Variants in NAP1L4 observed in about 807,000 individuals in gnomAD.
NAP1L4 encodes nucleosome assembly protein 1-like 4.
In NAP1L4, 15 loss-of-function variants were observed where a neutral mutation model predicts 58.2. That is an observed-to-expected ratio of 0.26 (90% CI 0.17 to 0.40). NAP1L4 has a LOEUF of 0.40. NAP1L4 is among the 10% of genes least tolerant of loss of function. The pLI, the probability that NAP1L4 is intolerant of heterozygous loss-of-function variation, is 1.00. For synonymous variants in NAP1L4, 171 were observed against 155.6 expected, an observed-to-expected ratio of 1.10 and a Z score of -0.74; for missense variants, 384 against 451.1, an observed-to-expected ratio of 0.85 and a Z score of 1.35.
Position 2,944,732 on chromosome 11 carries a change from G to A in NAP1L4, c.*947C>T, listed in dbSNP as rs571359131. 3 of 152,362 alleles carry A rather than the reference G, an allele frequency of 2.0e-5. No homozygotes were observed. Among genetic ancestry groups the A allele is most frequent in the Non-Finnish European group, 4.4e-5 (3 of 68,040 alleles). The allele number at this position is 152,362 out of a possible 1,614,324, so 9.4% of individuals were successfully genotyped here. A position where few individuals can be genotyped will look rare whatever the true frequency, so the allele number is the denominator to read the frequency against. ...CGCTCATACGCTCCACTGAAACGCA[G>A]GACTTCCCAGCCCAGTCCCTCAGTG... On this transcript the variant is annotated 3_prime_UTR_variant, in exon 16 of 16. Coordinates refer to ENST00000380542, the MANE Select transcript of NAP1L4 (RefSeq NM_005969.4).
Position 2,951,113 on chromosome 11 carries a change from T to C in NAP1L4, c.1122+146A>G. ...TATAGACACAGTGTCTGAATAATCA[T>C]TCCACTATTTTTCTGACACATTTTA... On this transcript the variant is annotated intron_variant, in intron 14 of 15. Coordinates refer to ENST00000380542, the MANE Select transcript of NAP1L4 (RefSeq NM_005969.4). The surrounding 1 kb of genome is among the most constrained non-coding windows in gnomAD (Gnocchi z 4.0). 1.4e-6 allele frequency: 1 copy of C among 696,804 alleles called. No homozygotes were observed. Among genetic ancestry groups the C allele is most frequent in the African/African-American group, 1.8e-5 (1 of 56,324 alleles). 43.2% of individuals were successfully genotyped at this position (696,804 alleles called of 1,614,324 possible).
At chr11:2,970,282 T>C (rs574678510) in intron 6 of NAP1L4, among the ~76,000 whole-genome samples, 12 of 152,272 alleles carry the variant, frequency 7.9e-5, no homozygotes, top group Non-Finnish European at 1.3e-4. Flanking sequence ...ATGCAAAGAC[T>C]GTACATCAAC....
In NAP1L4 at chr11:2,955,833, C is replaced by T; in HGVS notation, c.893-67G>A. 2 of 1,416,138 alleles carry T rather than the reference C, an allele frequency of 1.4e-6. No homozygotes were observed. Among genetic ancestry groups the T allele is most frequent in the East Asian group, 2.3e-5 (1 of 43,760 alleles). The allele number at this position is 1,416,138 out of a possible 1,614,324, so 87.7% of individuals were successfully genotyped here. ...AACTCCCAGAATTTTAAAGCCCACACAGGAGGAAGCTGTGCTGGTAGATAA... is the reference window on the plus strand; with the variant it reads ...AACTCCCAGAATTTTAAAGCCCACATAGGAGGAAGCTGTGCTGGTAGATAA... On this transcript the variant is annotated intron_variant, in intron 10 of 15. Coordinates refer to ENST00000380542, the MANE Select transcript of NAP1L4 (RefSeq NM_005969.4). The surrounding 1 kb of genome is among the most constrained non-coding windows in gnomAD (Gnocchi z 4.2).
At chr11:2,990,825 A>G (rs1264917030) in intron 1 of NAP1L4, 1 of 237,956 alleles carries the variant, frequency 4.2e-6, no homozygotes, top group African/African-American at 2.3e-5. Context: ...ACAGGCTGAA[A>G]GAGTCCCTGG....
At chr11:2,953,326 C>A (rs1028169973) in intron 12 of NAP1L4, among the ~76,000 whole-genome samples, 2 of 152,226 alleles carry the variant, frequency 1.3e-5, no homozygotes, top group African/African-American at 4.8e-5. Flanking sequence ...ATGATCAAAA[C>A]AGTTTCAGAT....
Position 2,948,154 on chromosome 11 carries a change from A to T in NAP1L4, c.*32+1073T>A, listed in dbSNP as rs568282082. Among the ~76,000 whole-genome samples the T allele has an allele frequency of 3.9e-5, 6 of 152,328 alleles. No homozygotes were observed. Among genetic ancestry groups the T allele is most frequent in the African/African-American group, 1.4e-4 (6 of 41,568 alleles). ...CAGGAATTAATGGCAGCTAGACATA[A>T]TTTTAAACATACAGCCATATTCTGA... On this transcript the variant is annotated intron_variant, in intron 15 of 15. Transcript: ENST00000380542. The surrounding 1 kb of genome is among the most constrained non-coding windows in gnomAD (Gnocchi z 5.1).
chr11:2,957,252 T>C (rs2133923582), intron 10 of NAP1L4, among the ~76,000 whole-genome samples: 1 of 152,338 alleles, frequency 6.6e-6, no homozygotes, highest in East Asian at 1.9e-4. Context: ...AACCCAAGTG[T>C]CTAAAAGGAA....
In NAP1L4 at chr11:2,971,127, T is replaced by C. The variant is rs1379140782; in HGVS notation, c.402+321A>G. ...CACTCCCCTCACAACTCCCCCAATC[T>C]TCCAGTGACTGAGAACACAGGGGCA... is the stretch of plus-strand genomic sequence containing the variant. On this transcript the variant is annotated intron_variant, in intron 6 of 15. Coordinates refer to ENST00000380542, the MANE Select transcript of NAP1L4 (RefSeq NM_005969.4). The surrounding 1 kb of genome is among the most constrained non-coding windows in gnomAD (Gnocchi z 4.2). Among the ~76,000 whole-genome samples the C allele has an allele frequency of 6.6e-6, 1 of 152,194 alleles. No homozygotes were observed. Among genetic ancestry groups the C allele is most frequent in the Non-Finnish European group, 1.5e-5 (1 of 68,036 alleles).
chr11:2,961,674 T>C (rs770810713), intron 8 of NAP1L4, among the ~76,000 whole-genome samples: 2 of 152,088 alleles, frequency 1.3e-5, no homozygotes, highest in Admixed American at 6.6e-5. Context: ...TCCTTCACCA[T>C]GTCCTACTCA....
In NAP1L4 at chr11:2,951,274, C is replaced by T. The variant is rs140246404; in HGVS notation, c.1107G>A (p.Ala369=). Reference sequence around the variant, plus strand: ...AGTTACCAACCTTGGGGTTAATTTCCGCATCATCCTCGTCTTCTCCCTCCT... The same window carrying T: ...AGTTACCAACCTTGGGGTTAATTTCTGCATCATCCTCGTCTTCTCCCTCCT... The part of the protein sequence containing the change: ...GDEEGEDEDD[A]EINPKV Residue 369 remains alanine, a synonymous_variant, in exon 14 of 16, where the codon GCG becomes GCA. Transcript: ENST00000380542. The surrounding 1 kb of genome is among the most constrained non-coding windows in gnomAD (Gnocchi z 4.0). 55 of 1,613,948 alleles carry T rather than the reference C, an allele frequency of 3.4e-5. No individual in the cohort carries two copies. The East Asian group carries it at 4.5e-4, about 13-fold the overall frequency.
intron 1 of NAP1L4, 51 bp downstream of exon 1, chr11:2,992,203 G>T (rs1003340759): frequency 6.8e-6 from 1 of 147,054 alleles, no homozygotes; most frequent in Non-Finnish European, 1.5e-5. Flanking sequence ...GTCCGGGCCC[G>T]GCCGCCCTCC....
At chr11:2,976,447 G>A (rs982457636) in intron 3 of NAP1L4, among the ~76,000 whole-genome samples, 3 of 152,168 alleles carry the variant, frequency 2.0e-5, no homozygotes, top group Admixed American at 6.5e-5. Context: ...AAGTTCACAT[G>A]GTCTACCCCC....
intron 7 of NAP1L4, among the ~76,000 whole-genome samples, chr11:2,968,322 T>C (rs547494507): frequency 5.9e-5 from 9 of 152,334 alleles, no homozygotes; most frequent in African/African-American, 1.9e-4. Context: ...GCTCAGGTGA[T>C]TGTAATACAC....
At chr11:2,969,245 G>A (rs1035796323) in intron 7 of NAP1L4, among the ~76,000 whole-genome samples, 4 of 151,978 alleles carry the variant, frequency 2.6e-5, no homozygotes, top group African/African-American at 9.7e-5. Context: ...CCAAAGTGCT[G>A]GGACTACAGA....
At chr11:2,979,353 ACT>A (rs1848165228) in intron 1 of NAP1L4, 116 bp from the exon 2 acceptor site, 1 of 789,386 alleles carries the variant, frequency 1.3e-6, no homozygotes, top group Non-Finnish European at 2.1e-6. Flanking sequence ...ACAGGAGGGA[ACT>A]TTCTAGAGTG....
rs138422695 is a variant in NAP1L4, at chr11:2,983,068, ACAAG to A, written c.-17-3835_-17-3832del. Among the ~76,000 whole-genome samples the A allele has an allele frequency of 4.4e-3, 668 of 152,316 alleles. 2 individuals carry two copies. Among genetic ancestry groups the A allele is most frequent in the African/African-American group, 0.015 (635 of 41,582 alleles). ...CCTGTTGCTGCTATTGGAACAAGTG[ACAAG>A]CAACAGCTTAGTCAGGGTTGAAATC... On this transcript the variant is annotated intron_variant, in intron 1 of 15. Coordinates refer to ENST00000380542, the MANE Select transcript of NAP1L4 (RefSeq NM_005969.4).
chr11:2,963,683 G>A, intron 8 of NAP1L4: 1 of 503,534 alleles, frequency 2.0e-6, no homozygotes, highest in South Asian at 1.5e-5. Flanking sequence ...GCTGAGATGG[G>A]GAGGAAGGAA....
chr11:2,970,453 T>C (rs1013951312), intron 6 of NAP1L4, among the ~76,000 whole-genome samples: 4 of 151,924 alleles, frequency 2.6e-5, no homozygotes, highest in Non-Finnish European at 5.9e-5. Context: ...CGCAGCAGTA[T>C]CTGCAGCAAG....
At chr11:2,953,247 G>C (rs1846336966) in intron 12 of NAP1L4, among the ~76,000 whole-genome samples, 1 of 152,264 alleles carries the variant, frequency 6.6e-6, no homozygotes, top group Admixed American at 6.5e-5. Context: ...CTCACCAGCA[G>C]TACAGATACC....
Sources: allele counts gnomAD v4.1 joint callset (sites outside exome capture counted in the v4.1 genomes callset), GRCh38; gene constraint gnomAD v4.1.1; non-coding constraint Gnocchi (gnomAD v3.1); transcripts MANE v1.5; gene names NCBI Gene and HGNC (gene_info 2026-07-23, HGNC 2026-07-21).